Variants in NACC2 observed in about 807,000 individuals in gnomAD.
NACC2 encodes the protein nucleus accumbens-associated protein 2.
Under a neutral mutation model 25.1 loss-of-function variants are expected in NACC2, and 8 were observed. That is an observed-to-expected ratio of 0.32 (90% CI 0.19 to 0.57). NACC2 has a LOEUF of 0.57. NACC2 is among the 20% of genes least tolerant of loss of function. The pLI, the probability that NACC2 is intolerant of heterozygous loss-of-function variation, is 0.89. For synonymous variants in NACC2, 435 were observed against 294.7 expected (o/e 1.48, Z -4.88); for missense variants, 644 against 650.2 (o/e 0.99, Z 0.10).
chr9:136,071,654 T>C (rs554218361), intron 1 of NACC2, among the ~76,000 whole-genome samples: 1 of 152,038 alleles, frequency 6.6e-6, no homozygotes, highest in African/African-American at 2.4e-5. Flanking sequence ...AAGACAATTT[T>C]GAGAGAGAAT....
intron 1 of NACC2, among the ~76,000 whole-genome samples, chr9:136,090,866 T>C (rs1399419827): frequency 1.1e-5 from 1 of 91,008 alleles, no homozygotes; most frequent in Non-Finnish European, 2.8e-5. Context: ...CTCTGCAGCA[T>C]GGCTTTGCCG....
At chr9:136,085,457 C>T (rs1251873504) in intron 1 of NACC2, among the ~76,000 whole-genome samples, 5 of 147,156 alleles carry the variant, frequency 3.4e-5, no homozygotes, top group Non-Finnish European at 7.4e-5. Flanking sequence ...TTTGAGGCTG[C>T]GATTGCACCA....
At position 136,020,155 on chromosome 9, in the gene NACC2, C is replaced by T. The variant is rs1435954475; in HGVS notation, c.887-3726G>A. Among the ~76,000 whole-genome samples, 6 of 152,204 alleles carry T rather than the reference C, an allele frequency of 3.9e-5. No homozygotes were observed. The highest frequency in any genetic ancestry group is 9.6e-5 in the African/African-American group (4 of 41,460). ...AAAGTCACTGCAACGGCCCCTCTCA[C>T]GTCCACTTTACCACAATAACAACGC... On this transcript the variant is annotated intron_variant, in intron 2 of 5. Transcript: ENST00000277554. The surrounding 1 kb of genome is among the most constrained non-coding windows in gnomAD (Gnocchi z 4.7).
chr9:136,043,430 A>T (rs940661596), intron 2 of NACC2, among the ~76,000 whole-genome samples: 2 of 152,266 alleles, frequency 1.3e-5, no homozygotes, highest in Admixed American at 6.5e-5. Flanking sequence ...CCCACGAGGA[A>T]GGGCTGAAAC....
intron 2 of NACC2, among the ~76,000 whole-genome samples, chr9:136,037,468 C>T: frequency 6.6e-6 from 1 of 151,650 alleles, no homozygotes; most frequent in Non-Finnish European, 1.5e-5. Context: ...AACTAAGCTG[C>T]CATGAACATG....
At chr9:136,051,482 G>C (rs1347743216) in intron 1 of NACC2, among the ~76,000 whole-genome samples, 2 of 152,200 alleles carry the variant, frequency 1.3e-5, no homozygotes, top group East Asian at 3.9e-4. Flanking sequence ...AGCTGGGGAG[G>C]GCGCCGCTGT....
chr9:136,053,123 T>C (rs1258418191), intron 1 of NACC2, among the ~76,000 whole-genome samples: 1 of 152,160 alleles, frequency 6.6e-6, no homozygotes, highest in African/African-American at 2.4e-5. Flanking sequence ...GGCAGCAGGA[T>C]GCGGAGGAGG....
At chr9:136,094,586 C>G (rs1250422046) in intron 1 of NACC2, among the ~76,000 whole-genome samples, 1 of 152,188 alleles carries the variant, frequency 6.6e-6, no homozygotes, top group Non-Finnish European at 1.5e-5. Flanking sequence ...GCCCCCTCCC[C>G]CTGCGGCCGG....
At chr9:136,025,651 T>C (rs1840376403) in intron 2 of NACC2, among the ~76,000 whole-genome samples, 2 of 148,888 alleles carry the variant, frequency 1.3e-5, no homozygotes, top group Non-Finnish European at 3.0e-5. Context: ...CAGTGGCTCA[T>C]GCCTGTAATC....
intron 1 of NACC2, among the ~76,000 whole-genome samples, chr9:136,063,615 G>A (rs1324264805): frequency 1.3e-5 from 2 of 152,236 alleles, no homozygotes; most frequent in African/African-American, 4.8e-5. Context: ...CGAGCACGGT[G>A]GCTCACGCCT....
chr9:136,040,529 T>C (rs1347830291), intron 2 of NACC2, among the ~76,000 whole-genome samples: 1 of 152,112 alleles, frequency 6.6e-6, no homozygotes, highest in African/African-American at 2.4e-5. Context: ...GCAAAACACA[T>C]GTCTGTAAAG....
At chr9:136,093,805 G>C (rs1391353732) in intron 1 of NACC2, among the ~76,000 whole-genome samples, 1 of 151,522 alleles carries the variant, frequency 6.6e-6, no homozygotes, top group Non-Finnish European at 1.5e-5. Flanking sequence ...GAAGGGGTGG[G>C]TGGCTGAGAG....
In NACC2 at chr9:136,076,729, G is replaced by A. The variant is rs369086792; in HGVS notation, c.-60+18460C>T. On this transcript the variant is annotated intron_variant, in intron 1 of 5. Transcript: ENST00000277554. The stretch of plus-strand genomic sequence containing the variant: ...GACTACAATTTTTAAAAAATGTATT[G>A]GCCTGGTGGTGGCTCATGCCTGTAA... 3.3e-5 allele frequency among the ~76,000 whole-genome samples: 5 copies of A among 152,260 alleles called. No individual in the cohort carries two copies. In the East Asian group the frequency reaches 7.7e-4, roughly 23 times the overall value.
chr9:136,065,639 TAAAC>T lies in NACC2; in HGVS notation c.-59-15063_-59-15060del, dbSNP rs551059406. ...GGTTTCAGATACATAAATAAGTAAA[TAAAC>T]AAATAATAAAAAATTAGCCAGGAGT... On this transcript the variant is annotated intron_variant, in intron 1 of 5. Transcript: ENST00000277554. 1.4e-3 allele frequency among the ~76,000 whole-genome samples: 212 copies of T among 149,616 alleles called. 1 individual carries two copies. Among genetic ancestry groups the T allele is most frequent in the African/African-American group, 5.0e-3 (203 of 40,522 alleles).
chr9:136,077,613 G>C (rs1479066088), intron 1 of NACC2, among the ~76,000 whole-genome samples: 1 of 152,046 alleles, frequency 6.6e-6, no homozygotes, highest in East Asian at 1.9e-4. Flanking sequence ...AGAGGAGGGA[G>C]GGGCAAGAGC....
At chr9:136,025,504 A>G (rs1429498501) in intron 2 of NACC2, among the ~76,000 whole-genome samples, 1 of 152,226 alleles carries the variant, frequency 6.6e-6, no homozygotes, top group Admixed American at 6.5e-5. Flanking sequence ...TCAGACAACT[A>G]GCAGACACCG....
At chr9:136,090,820 G>A (rs917187535) in intron 1 of NACC2, among the ~76,000 whole-genome samples, 4 of 151,456 alleles carry the variant, frequency 2.6e-5, no homozygotes, top group Admixed American at 6.6e-5. Flanking sequence ...CCCGGTGGCT[G>A]AGCTGGGGCC....
chr9:136,091,903 C>T (rs1041358866), intron 1 of NACC2, among the ~76,000 whole-genome samples: 3 of 152,200 alleles, frequency 2.0e-5, no homozygotes, highest in Admixed American at 1.3e-4. Context: ...GCAACAGAGG[C>T]GGAGGCAGGC....
At chr9:136,017,549 T>G (rs1196428177) in intron 2 of NACC2, among the ~76,000 whole-genome samples, 1 of 144,064 alleles carries the variant, frequency 6.9e-6, no homozygotes, top group Non-Finnish European at 1.5e-5. Flanking sequence ...GGAAGCCTCA[T>G]AGGGCCCACC....
Sources: allele counts gnomAD v4.1 joint callset (sites outside exome capture counted in the v4.1 genomes callset), GRCh38; gene constraint gnomAD v4.1.1; non-coding constraint Gnocchi (gnomAD v3.1); transcripts MANE v1.5; gene names NCBI Gene and HGNC (gene_info 2026-07-23, HGNC 2026-07-21).